MMP26: variants seen among roughly 807,000 people sequenced by gnomAD.
MMP26 encodes the protein matrix metallopeptidase 26.
MMP26 carries 33 observed loss-of-function variants against 31.0 expected under a neutral mutation model. The ratio of observed to expected loss-of-function variants is 1.06; its 90% CI spans 0.81 to 1.42. The LOEUF is 1.42. Among genes scored for constraint, MMP26 ranks in the 40% most tolerant of loss-of-function variants. MMP26 has a pLI of 0.00. For missense variants in MMP26, 347 were observed against 316.1 expected, an observed-to-expected ratio of 1.10 and a Z score of -0.74; for synonymous variants, 122 against 114.9, an observed-to-expected ratio of 1.06 and a Z score of -0.40.
intron 1 of MMP26, among the ~76,000 whole-genome samples, chr11:4,744,538 G>T (rs1291173410): frequency 1.3e-5 from 2 of 152,114 alleles, no homozygotes; most frequent in Admixed American, 1.3e-4. Context: ...GAAGAGGCAG[G>T]GCTCTGAGGT....
chr11:4,914,842 G>C, intron 2 of MMP26: 1 of 1,613,996 alleles, frequency 6.2e-7, no homozygotes, highest in Non-Finnish European at 8.5e-7. Flanking sequence ...GGACCAGGTG[G>C]GGTGCCTGCT....
At chr11:4,769,193 G>A in intron 2 of MMP26, 1 of 1,614,046 alleles carries the variant, frequency 6.2e-7, no homozygotes, top group Non-Finnish European at 8.5e-7. Context: ...GGAGACACAG[G>A]TGCTGAAGAC....
chr11:4,803,031 T>C (rs1027684887), intron 2 of MMP26, among the ~76,000 whole-genome samples: 1 of 152,204 alleles, frequency 6.6e-6, no homozygotes, highest in African/African-American at 2.4e-5. Flanking sequence ...TGAAGAAATA[T>C]ATGTACTTTT....
chr11:4,741,542 A>G (rs546450113), intron 1 of MMP26, among the ~76,000 whole-genome samples: 1 of 151,970 alleles, frequency 6.6e-6, no homozygotes, highest in South Asian at 2.1e-4. Context: ...GCACACTACT[A>G]CAGGAACAGA....
chr11:4,810,793 G>T (rs1849339671), intron 2 of MMP26, among the ~76,000 whole-genome samples: 1 of 152,218 alleles, frequency 6.6e-6, no homozygotes, highest in African/African-American at 2.4e-5. Flanking sequence ...GGCCTACACA[G>T]AGCTTCCTCT....
At chr11:4,786,536 GT>G in intron 2 of MMP26, among the ~76,000 whole-genome samples, 1 of 126,868 alleles carries the variant, frequency 7.9e-6, no homozygotes, top group South Asian at 2.8e-4. Context: ...CAAAACTGTT[GT>G]GAGATAGGAT....
chr11:4,706,121 C>T (rs1847773648), intron 1 of MMP26, among the ~76,000 whole-genome samples: 1 of 152,064 alleles, frequency 6.6e-6, no homozygotes, highest in East Asian at 1.9e-4. Flanking sequence ...AAGGGGGACT[C>T]AGATTCAGTG....
intron 2 of MMP26, among the ~76,000 whole-genome samples, chr11:4,965,904 CTTCT>C (rs1403240164): frequency 2.6e-5 from 4 of 152,138 alleles, no homozygotes; most frequent in African/African-American, 9.7e-5. Flanking sequence ...GTGAATTCTC[CTTCT>C]AAGTAGTTGT....
intron 1 of MMP26, chr11:4,709,888 A>G (rs1329729048): frequency 6.6e-6 from 3 of 456,818 alleles, no homozygotes; most frequent in East Asian, 6.9e-5. Flanking sequence ...TTCTTTATCC[A>G]TGGCTTCACA....
chr11:4,741,943 T>A (rs1344174203), intron 1 of MMP26, among the ~76,000 whole-genome samples: 1 of 152,184 alleles, frequency 6.6e-6, no homozygotes. Context: ...AATGGTTGAA[T>A]GTTGCTTTAC....
intron 2 of MMP26, among the ~76,000 whole-genome samples, chr11:4,947,759 T>C (rs1288613670): frequency 8.0e-6 from 1 of 125,460 alleles, no homozygotes; most frequent in Non-Finnish European, 1.8e-5. Context: ...AATAAACATT[T>C]GCAGATGCAG....
intron 2 of MMP26, chr11:4,914,576 G>C (rs1851044441): frequency 6.4e-6 from 4 of 624,624 alleles, no homozygotes; most frequent in Non-Finnish European, 1.1e-5. Flanking sequence ...ACAGAGTGAG[G>C]GTTCTGTAAG....
intron 2 of MMP26, among the ~76,000 whole-genome samples, chr11:4,842,210 T>C (rs1849806150): frequency 1.3e-5 from 2 of 152,138 alleles, no homozygotes; most frequent in Admixed American, 1.3e-4. Flanking sequence ...AAAGTTAAGG[T>C]GCAGTTTTTA....
chr11:4,827,317 C>A (rs1054531737), intron 2 of MMP26, among the ~76,000 whole-genome samples: 3 of 152,106 alleles, frequency 2.0e-5, no homozygotes, highest in African/African-American at 7.2e-5. Flanking sequence ...TATCCTTGAT[C>A]TTTTTTGTTA....
At chr11:4,966,235 G>T (rs4910694) in intron 2 of MMP26, among the ~76,000 whole-genome samples, 79,534 of 151,896 alleles carry the variant, frequency 0.52, 21,322 homozygotes, top group South Asian at 0.64. Flanking sequence ...GAAGGAAAAG[G>T]AGGACTTTAT....
At chr11:4,817,298 T>C (rs1002451790) in intron 2 of MMP26, among the ~76,000 whole-genome samples, 2 of 152,088 alleles carry the variant, frequency 1.3e-5, no homozygotes, top group African/African-American at 4.8e-5. Flanking sequence ...CTAAAGTTAA[T>C]GGAGGTTGGG....
chr11:4,967,285 T>C (rs1000564484), intron 2 of MMP26, among the ~76,000 whole-genome samples: 2 of 152,176 alleles, frequency 1.3e-5, no homozygotes, highest in African/African-American at 4.8e-5. Context: ...TCTTTACAAT[T>C]CTTAATCACA....
At chr11:4,828,010 C>T (rs886847147) in intron 2 of MMP26, among the ~76,000 whole-genome samples, 8 of 152,068 alleles carry the variant, frequency 5.3e-5, no homozygotes, top group Admixed American at 1.3e-4. Context: ...ATAAGGCAAA[C>T]ATGAGCCATA....
At chr11:4,781,190 G>T (rs551677458) in intron 2 of MMP26, among the ~76,000 whole-genome samples, 10 of 152,254 alleles carry the variant, frequency 6.6e-5, no homozygotes, top group Admixed American at 2.0e-4. Context: ...TTTGATTGTG[G>T]TGATGGTTGT....
Sources: allele counts gnomAD v4.1 joint callset (sites outside exome capture counted in the v4.1 genomes callset), GRCh38; gene constraint gnomAD v4.1.1; transcripts MANE v1.5; gene names NCBI Gene and HGNC (gene_info 2026-07-23, HGNC 2026-07-21).